The following SUPT3H variants were observed in gnomAD, a reference collection of about 807,000 sequenced individuals.
SUPT3H encodes the protein SPT3 homolog, SAGA and STAGA complex component, also known as transcription initiation protein SPT3 homolog.
In SUPT3H, 44 loss-of-function variants were observed where a neutral mutation model predicts 44.3. The ratio of observed to expected loss-of-function variants is 0.99; its 90% confidence interval spans 0.78 to 1.28. SUPT3H has a LOEUF of 1.28. Ranked by LOEUF, SUPT3H falls within the 50% of genes most tolerant of loss-of-function variation. The pLI is 0.00. For synonymous variants in SUPT3H, 124 were observed against 125.6 expected (o/e 0.99, Z 0.09); for missense variants, 380 against 387.1 (o/e 0.98, Z 0.15).
At position 44,961,748 on chromosome 6, in the gene SUPT3H, C is replaced by A; in HGVS notation, c.580+5G>T. On this transcript the variant is annotated splice_donor_5th_base_variant and intron_variant, in intron 7 of 10. Coordinates refer to ENST00000371459, the MANE Select transcript of SUPT3H (RefSeq NM_003599.4). ...ATAATTAAGCAAAGTTAAATAGTTACTTACAGAAACTTAATTGTCGACTTT... is the reference window on the plus strand; with the variant it reads ...ATAATTAAGCAAAGTTAAATAGTTAATTACAGAAACTTAATTGTCGACTTT... The A allele has an allele frequency of 1.9e-6, 3 of 1,601,746 alleles. No homozygotes were observed. The highest frequency in any genetic ancestry group is 2.6e-6 in the Non-Finnish European group (3 of 1,174,740).
chr6:45,180,268 A>G (rs1466523393), intron 2 of SUPT3H, among the ~76,000 whole-genome samples: 2 of 145,982 alleles, frequency 1.4e-5, no homozygotes, highest in Non-Finnish European at 3.0e-5. Context: ...GGAAGAATCA[A>G]TATCGTGAAA....
At chr6:44,949,292 T>C (rs987158318) in intron 9 of SUPT3H, among the ~76,000 whole-genome samples, 10 of 151,930 alleles carry the variant, frequency 6.6e-5, no homozygotes, top group Non-Finnish European at 1.3e-4. Flanking sequence ...CTAGTGTAAA[T>C]GACGAGTTAA....
At chr6:45,074,494 A>G (rs1794764150) in intron 3 of SUPT3H, among the ~76,000 whole-genome samples, 1 of 152,008 alleles carries the variant, frequency 6.6e-6, no homozygotes, top group Non-Finnish European at 1.5e-5. Context: ...AAGGAAACAG[A>G]AATGAAAATC....
At chr6:45,217,347 C>T (rs952879133) in intron 2 of SUPT3H, among the ~76,000 whole-genome samples, 5 of 151,896 alleles carry the variant, frequency 3.3e-5, no homozygotes, top group Middle Eastern at 3.4e-3. Context: ...TAGCGGTGCG[C>T]GTCTGTAATC....
intron 3 of SUPT3H, among the ~76,000 whole-genome samples, chr6:45,068,610 T>A (rs1417525771): frequency 2.0e-5 from 3 of 152,176 alleles, no homozygotes; most frequent in Non-Finnish European, 4.4e-5. Flanking sequence ...TTTTTGGCAA[T>A]CATAAGATAC....
chr6:44,939,264 G>GT (rs1562090292), intron 9 of SUPT3H, among the ~76,000 whole-genome samples: 1 of 152,052 alleles, frequency 6.6e-6, no homozygotes, highest in South Asian at 2.1e-4. Context: ...TTTGTTAAGG[G>GT]TTTTTATAAT....
chr6:45,160,540 G>A (rs529264350), intron 2 of SUPT3H, among the ~76,000 whole-genome samples: 1 of 152,018 alleles, frequency 6.6e-6, no homozygotes, highest in South Asian at 2.1e-4. Context: ...TGTTTTAGCT[G>A]GGAAAAACAT....
intron 9 of SUPT3H, among the ~76,000 whole-genome samples, chr6:44,943,904 A>T (rs981968087): frequency 6.6e-6 from 1 of 152,146 alleles, no homozygotes. Context: ...AGCAGAACAG[A>T]AAAGAAAAAT....
chr6:45,320,896 TATAA>T (rs1446182864), intron 2 of SUPT3H, among the ~76,000 whole-genome samples: 14 of 152,294 alleles, frequency 9.2e-5, no homozygotes, highest in African/African-American at 3.4e-4. Context: ...GTTGTAGTAG[TATAA>T]ATAATTTAGT....
At chr6:45,307,854 C>T (rs189667408) in intron 2 of SUPT3H, among the ~76,000 whole-genome samples, 4 of 151,836 alleles carry the variant, frequency 2.6e-5, no homozygotes, top group African/African-American at 9.6e-5. Flanking sequence ...CCATGGCAAA[C>T]CTTGAAATAA....
At chr6:44,824,399 C>G (rs1192402304), downstream of SUPT3H, among the ~76,000 whole-genome samples, 2 of 152,156 alleles carry the variant, frequency 1.3e-5, no homozygotes, top group Admixed American at 1.3e-4. Context: ...GTGGCTTGTG[C>G]CTGTAGTCCC....
intron 10 of SUPT3H, among the ~76,000 whole-genome samples, chr6:44,889,959 A>T (rs1464863764): frequency 6.6e-6 from 1 of 151,322 alleles, no homozygotes; most frequent in Non-Finnish European, 1.5e-5. Context: ...GGACATGAAC[A>T]GACACTTCTC....
intron 4 of SUPT3H, among the ~76,000 whole-genome samples, chr6:45,015,320 G>A (rs1000331685): frequency 2.0e-5 from 3 of 152,090 alleles, no homozygotes; most frequent in Admixed American, 6.6e-5. Flanking sequence ...GTAAGTATTT[G>A]TATATCTAAA....
chr6:44,930,308 G>A (rs780751256), intron 10 of SUPT3H, among the ~76,000 whole-genome samples: 1 of 151,898 alleles, frequency 6.6e-6, no homozygotes, highest in Non-Finnish European at 1.5e-5. Context: ...GTGAATCCGG[G>A]AGGCGGAGCT....
chr6:45,163,055 A>G (rs745779767), intron 2 of SUPT3H, among the ~76,000 whole-genome samples: 1 of 152,182 alleles, frequency 6.6e-6, no homozygotes, highest in East Asian at 1.9e-4. Flanking sequence ...TTACAGAACA[A>G]CATATATATT....
At chr6:45,055,149 G>A (rs569024497) in intron 3 of SUPT3H, among the ~76,000 whole-genome samples, 3 of 152,162 alleles carry the variant, frequency 2.0e-5, no homozygotes, top group Admixed American at 6.5e-5. Context: ...AACATCCCTA[G>A]AGGTGACAGA....
In SUPT3H at chr6:44,949,269, T is replaced by G. The variant is rs962463840; in HGVS notation, c.801+4041A>C. On this transcript the variant is annotated intron_variant, in intron 9 of 10. Coordinates refer to ENST00000371459, the MANE Select transcript of SUPT3H (RefSeq NM_003599.4). ...GTGGGGGGAATGGGGAGGGATAGCA[T>G]TACGAGACATACCTAGTGTAAATGA... is the stretch of plus-strand genomic sequence containing the variant. Among the ~76,000 whole-genome samples the G allele has an allele frequency of 2.0e-5, 3 of 151,922 alleles. No individual in the cohort carries two copies. In the East Asian group the frequency reaches 5.8e-4, roughly 29 times the overall value.
At position 45,014,855 on chromosome 6, in the gene SUPT3H, G is replaced by C. The variant is rs138104597; in HGVS notation, c.310C>G (p.Arg104Gly). 3.8e-6 allele frequency: 6 copies of C among 1,587,522 alleles called. No individual in the cohort carries two copies. The highest frequency in any genetic ancestry group is 5.1e-6 in the Non-Finnish European group (6 of 1,168,656). Residue 104 changes from arginine (R) to glycine (G), a missense_variant, in exon 5 of 11, where the codon CGA becomes GGA. By Grantham distance (125) the Arg-to-Gly change is moderately radical. Transcript: ENST00000371459. ...LRRLLKYMFI[R>G]DYKSKIVKGI... ...TTGACAATCTTTGATTTGTAGTCTC[G>C]GATAAACATGTATTTTAGCAGTCTT... is the stretch of plus-strand genomic sequence containing the variant.
intron 2 of SUPT3H, among the ~76,000 whole-genome samples, chr6:45,230,684 A>ATT (rs1363543780): frequency 2.0e-4 from 20 of 101,070 alleles, no homozygotes; most frequent in South Asian, 6.7e-4. Context: ...ATATATATAT[A>ATT]TATTTTTGAG....
Sources: allele counts gnomAD v4.1 joint callset (sites outside exome capture counted in the v4.1 genomes callset), GRCh38; gene constraint gnomAD v4.1.1; transcripts MANE v1.5; gene names NCBI Gene and HGNC (gene_info 2026-07-23, HGNC 2026-07-21).